LRRTM4: variants seen among roughly 807,000 people sequenced by gnomAD.
The protein encoded by LRRTM4 is leucine-rich repeat transmembrane neuronal protein 4.
A neutral mutation model predicts 47.6 loss-of-function variants in LRRTM4; 25 were observed. The observed-to-expected ratio is 0.53, with a 90% CI of 0.38 to 0.73. LRRTM4 has a LOEUF of 0.73. LRRTM4 is among the 30% of genes least tolerant of loss of function. The pLI is 0.00. For synonymous variants in LRRTM4, 311 were observed against 269.5 expected (o/e 1.15, Z -1.51); for missense variants, 638 against 713.4 (o/e 0.89, Z 1.20).
intron 3 of LRRTM4, among the ~76,000 whole-genome samples, chr2:77,281,914 TA>T (rs375020519): frequency 4.6e-5 from 7 of 151,682 alleles, no homozygotes; most frequent in African/African-American, 1.7e-4. Context: ...GTGACAAATG[TA>T]AAAAAAATCA....
chr2:77,049,807 C>T (rs1285891908), intron 3 of LRRTM4, among the ~76,000 whole-genome samples: 4 of 151,814 alleles, frequency 2.6e-5, no homozygotes, highest in Non-Finnish European at 5.9e-5. Context: ...TAATCCCACT[C>T]GTCTATTTTT....
intron 3 of LRRTM4, among the ~76,000 whole-genome samples, chr2:77,187,978 G>A (rs1351468424): frequency 6.6e-6 from 1 of 151,950 alleles, no homozygotes; most frequent in East Asian, 1.9e-4. Flanking sequence ...TCTATATTTT[G>A]TTATCTTTTT....
chr2:76,999,108 G>T (rs192008529), intron 3 of LRRTM4, among the ~76,000 whole-genome samples: 1 of 151,918 alleles, frequency 6.6e-6, no homozygotes, highest in African/African-American at 2.4e-5. Context: ...TTGGGGAGGG[G>T]TAGTGTGTGT....
At chr2:77,032,133 T>C (rs1212291452) in intron 3 of LRRTM4, among the ~76,000 whole-genome samples, 1 of 152,136 alleles carries the variant, frequency 6.6e-6, no homozygotes, top group African/African-American at 2.4e-5. Flanking sequence ...ATCCTTGCGC[T>C]TTCCACCTGG....
chr2:77,005,159 C>G (rs535513407), intron 3 of LRRTM4, among the ~76,000 whole-genome samples: 40 of 151,628 alleles, frequency 2.6e-4, no homozygotes, highest in African/African-American at 9.4e-4. Flanking sequence ...TGTTTTGTTT[C>G]TTTGAGACAG....
At chr2:77,392,208 C>T (rs999877468) in intron 3 of LRRTM4, among the ~76,000 whole-genome samples, 1 of 152,028 alleles carries the variant, frequency 6.6e-6, no homozygotes, top group Non-Finnish European at 1.5e-5. Context: ...GTTTTCAACT[C>T]TTCAGGTGGA....
chr2:77,417,646 A>G (rs1209795257), intron 3 of LRRTM4, among the ~76,000 whole-genome samples: 1 of 151,984 alleles, frequency 6.6e-6, no homozygotes, highest in East Asian at 1.9e-4. Flanking sequence ...CATCATTCTC[A>G]GCAAACTATC....
intron 3 of LRRTM4, among the ~76,000 whole-genome samples, chr2:77,193,217 T>C (rs559865051): frequency 3.9e-5 from 6 of 152,254 alleles, no homozygotes; most frequent in Admixed American, 3.9e-4. Context: ...CTAGACCATA[T>C]AGTCTAGGTG....
chr2:77,027,412 A>G (rs1314410901), intron 3 of LRRTM4, among the ~76,000 whole-genome samples: 2 of 152,176 alleles, frequency 1.3e-5, no homozygotes, highest in Non-Finnish European at 2.9e-5. Context: ...AATTTTCAGT[A>G]TGTGCATGCT....
At chr2:76,756,884 C>T (rs985446441) in intron 3 of LRRTM4, among the ~76,000 whole-genome samples, 104 of 152,168 alleles carry the variant, frequency 6.8e-4, no homozygotes, top group African/African-American at 2.5e-3. Context: ...TCATTGAACT[C>T]CCTCATCTAA....
At chr2:76,800,072 T>C (rs1001607836) in intron 3 of LRRTM4, among the ~76,000 whole-genome samples, 6 of 151,844 alleles carry the variant, frequency 4.0e-5, no homozygotes, top group African/African-American at 1.5e-4. Flanking sequence ...AAGCTACCAA[T>C]GCCTTTCTTC....
At chr2:77,099,122 T>A (rs1344766468) in intron 3 of LRRTM4, among the ~76,000 whole-genome samples, 1 of 151,922 alleles carries the variant, frequency 6.6e-6, no homozygotes, top group Non-Finnish European at 1.5e-5. Context: ...GCTATAGAAA[T>A]TTTGCTCAAG....
intron 3 of LRRTM4, among the ~76,000 whole-genome samples, chr2:76,853,107 T>C (rs1672046827): frequency 6.6e-6 from 1 of 152,112 alleles, no homozygotes; most frequent in Middle Eastern, 3.2e-3. Flanking sequence ...GACTTGATAT[T>C]GGGAGACATA....
chr2:76,833,515 T>C (rs1392050581), intron 3 of LRRTM4, among the ~76,000 whole-genome samples: 3 of 152,240 alleles, frequency 2.0e-5, no homozygotes, highest in Middle Eastern at 3.4e-3. Context: ...CAGTAGAAAA[T>C]TGATGGTTCA....
Position 76,882,601 on chromosome 2 carries a change from C to T in LRRTM4, c.1552-133685G>A, listed in dbSNP as rs114325896. 6.3e-3 allele frequency among the ~76,000 whole-genome samples: 950 copies of T among 151,860 alleles called. 11 individuals carry two copies. The highest frequency in any genetic ancestry group is 0.022 in the African/African-American group (907 of 41,428). On this transcript the variant is annotated intron_variant, in intron 3 of 3. Coordinates refer to ENST00000409884, the MANE Select transcript of LRRTM4 (RefSeq NM_001134745.3). ...TGCCTGTGGTCCCAGCTACTTGGGACGCTGAGGTGGGAGGATTCTACTAGT... is the reference window on the plus strand; with the variant it reads ...TGCCTGTGGTCCCAGCTACTTGGGATGCTGAGGTGGGAGGATTCTACTAGT...
intron 3 of LRRTM4, among the ~76,000 whole-genome samples, chr2:77,268,237 A>G (rs1676103089): frequency 6.6e-6 from 1 of 152,118 alleles, no homozygotes; most frequent in African/African-American, 2.4e-5. Flanking sequence ...AATATCTTCA[A>G]TACCCATCGT....
At chr2:76,810,753 C>G (rs1423590329) in intron 3 of LRRTM4, among the ~76,000 whole-genome samples, 1 of 151,692 alleles carries the variant, frequency 6.6e-6, no homozygotes, top group Non-Finnish European at 1.5e-5. Context: ...GATTATTGGC[C>G]CCTTAATGAA....
intron 3 of LRRTM4, among the ~76,000 whole-genome samples, chr2:77,311,329 T>C (rs1177245709): frequency 6.6e-6 from 1 of 152,166 alleles, no homozygotes; most frequent in Non-Finnish European, 1.5e-5. Context: ...TAAAACATTT[T>C]TCTTCTGGGG....
chr2:77,176,492 A>G (rs1427065256), intron 3 of LRRTM4, among the ~76,000 whole-genome samples: 1 of 152,198 alleles, frequency 6.6e-6, no homozygotes, highest in Non-Finnish European at 1.5e-5. Flanking sequence ...ATCACAAGGA[A>G]ACAAAATCTG....
Sources: allele counts gnomAD v4.1 joint callset (sites outside exome capture counted in the v4.1 genomes callset), GRCh38; gene constraint gnomAD v4.1.1; transcripts MANE v1.5; gene names NCBI Gene and HGNC (gene_info 2026-07-23, HGNC 2026-07-21).